Variants in SYN3 observed in about 807,000 individuals in gnomAD.
The protein encoded by SYN3 is synapsin III.
SYN3 carries 35 observed loss-of-function variants against 65.8 expected under a neutral mutation model. The ratio of observed to expected loss-of-function variants is 0.53; its 90% CI spans 0.41 to 0.70. The LOEUF (loss-of-function observed/expected upper bound fraction) is 0.70. SYN3 is among the 30% of genes least tolerant of loss of function. The pLI is 0.00. For synonymous variants in SYN3, 270 were observed against 292.9 expected (o/e 0.92, Z 0.80); for missense variants, 680 against 749.0 (o/e 0.91, Z 1.08).
intron 7 of SYN3, among the ~76,000 whole-genome samples, chr22:32,552,075 C>G (rs1012867068): frequency 6.6e-6 from 1 of 152,178 alleles, no homozygotes; most frequent in African/African-American, 2.4e-5. Flanking sequence ...GGGTGAAACC[C>G]TGCCTCTACT....
chr22:32,572,926 C>T (rs1434933969), intron 7 of SYN3, among the ~76,000 whole-genome samples: 2 of 152,140 alleles, frequency 1.3e-5, no homozygotes, highest in African/African-American at 2.4e-5. Context: ...CGAGGGGGCT[C>T]GACTCAAGAA....
At chr22:32,831,309 C>A (rs2047567097) in intron 6 of SYN3, among the ~76,000 whole-genome samples, 2 of 152,134 alleles carry the variant, frequency 1.3e-5, no homozygotes, top group Admixed American at 1.3e-4. Context: ...TGGATGGTGT[C>A]CCTGGGAATT....
At chr22:32,988,307 A>T (rs199532614) in intron 2 of SYN3, among the ~76,000 whole-genome samples, 55 of 142,604 alleles carry the variant, frequency 3.9e-4, no homozygotes, top group Middle Eastern at 3.6e-3. Context: ...CTCTGTCTCA[A>T]AATAATAATA....
chr22:32,954,237 ATG>A (rs1369976774), intron 3 of SYN3, among the ~76,000 whole-genome samples: 1 of 152,198 alleles, frequency 6.6e-6, no homozygotes, highest in African/African-American at 2.4e-5. Flanking sequence ...GCCTTTAATA[ATG>A]TCCCTAGGAC....
intron 3 of SYN3, among the ~76,000 whole-genome samples, chr22:32,951,428 G>A (rs28669954): frequency 2.0e-5 from 3 of 152,054 alleles, no homozygotes; most frequent in Non-Finnish European, 4.4e-5. Flanking sequence ...TCATCCCTAC[G>A]TGACATAAAG....
intron 7 of SYN3, among the ~76,000 whole-genome samples, chr22:32,552,933 A>G (rs1049879585): frequency 6.6e-6 from 1 of 152,198 alleles, no homozygotes; most frequent in Non-Finnish European, 1.5e-5. Flanking sequence ...TATTTCCCAC[A>G]GTTCTGGAGA....
rs886057428 is a variant in SYN3, at chr22:32,801,595, G to A, written c.711+63320C>T. On this transcript the variant is annotated intron_variant, in intron 6 of 13. Coordinates refer to ENST00000358763, the MANE Select transcript of SYN3 (RefSeq NM_003490.4). The surrounding 1 kb of genome is among the most constrained non-coding windows in gnomAD (Gnocchi z 4.7). ...GGCCCCGCCCCCTTTTTGGAGGGCC[G>A]ATGAGGTAATGCGGCTCTGCCATTG... 3.1e-4 allele frequency: 47 copies of A among 153,964 alleles called. 1 individual carries two copies. In the East Asian group the frequency reaches 5.4e-3, roughly 18 times the overall value. The allele number at this position is 153,964 out of a possible 1,614,324, so 9.5% of individuals were successfully genotyped here. A position where few individuals can be genotyped will look rare whatever the true frequency, so the allele number is the denominator to read the frequency against.
At chr22:32,618,312 A>G (rs1043488765) in intron 6 of SYN3, among the ~76,000 whole-genome samples, 1 of 152,088 alleles carries the variant, frequency 6.6e-6, no homozygotes, top group African/African-American at 2.4e-5. Flanking sequence ...CCTTAGGAAA[A>G]AGCAATTTCC....
At chr22:32,968,014 G>T (rs11089599) in intron 3 of SYN3, among the ~76,000 whole-genome samples, 31,507 of 152,180 alleles carry the variant, frequency 0.21, 3,713 homozygotes, top group Non-Finnish European at 0.27. Context: ...CAGATTGGGA[G>T]CAAGTTGACA....
chr22:32,851,608 C>G (rs1006470508), intron 6 of SYN3, among the ~76,000 whole-genome samples: 1 of 152,200 alleles, frequency 6.6e-6, no homozygotes, highest in African/African-American at 2.4e-5. Flanking sequence ...ATGTAGGATC[C>G]CTCGTCTTAC....
At chr22:32,671,870 GGTA>G (rs1291920902) in intron 6 of SYN3, among the ~76,000 whole-genome samples, 1 of 152,168 alleles carries the variant, frequency 6.6e-6, no homozygotes, top group Non-Finnish European at 1.5e-5. Flanking sequence ...CTCTCACACA[GGTA>G]CACACACACA....
In SYN3 at chr22:32,975,373, CAA is replaced by C. The variant is rs34119880; in HGVS notation, c.369+5270_369+5271del. Among the ~76,000 whole-genome samples the C allele has an allele frequency of 4.5e-3, 464 of 104,226 alleles. 3 individuals carry two copies. The highest frequency in any genetic ancestry group is 0.011 in the African/African-American group (323 of 30,476). The allele number at this position is 104,226 out of a possible 152,430, so 68.4% of individuals were successfully genotyped here. ...CCAGCGACAGAGTGAGACTCCGCCT[CAA>C]AAAAAAAAAAAAAAAGTCTCCTTAA... On this transcript the variant is annotated intron_variant, in intron 3 of 13. Coordinates refer to ENST00000358763, the MANE Select transcript of SYN3 (RefSeq NM_003490.4).
intron 1 of SYN3, among the ~76,000 whole-genome samples, chr22:33,040,220 T>C (rs2053938582): frequency 6.6e-6 from 1 of 152,064 alleles, no homozygotes; most frequent in African/African-American, 2.4e-5. Flanking sequence ...ATGGTCTCAA[T>C]CTCCTGACCC....
At chr22:33,019,139 T>C (rs571890311) in intron 1 of SYN3, among the ~76,000 whole-genome samples, 5 of 152,326 alleles carry the variant, frequency 3.3e-5, no homozygotes, top group Admixed American at 3.3e-4. Flanking sequence ...ACTTTCCACA[T>C]ATCCCTAGGA....
chr22:32,925,362 G>A lies in SYN3; in HGVS notation c.461+6028C>T, dbSNP rs1056878759. Reference sequence around the variant, plus strand: ...TGCAACAATGCTATTTCTAAGTAAGGTCACGTTCTGAGGTACTACGAGTTG... The same window carrying A: ...TGCAACAATGCTATTTCTAAGTAAGATCACGTTCTGAGGTACTACGAGTTG... On this transcript the variant is annotated intron_variant, in intron 4 of 13. Transcript: ENST00000358763. Among the ~76,000 whole-genome samples the A allele has an allele frequency of 6.6e-5, 10 of 152,248 alleles. No individual in the cohort carries two copies. The South Asian group carries it at 8.3e-4, about 13-fold the overall frequency.
intron 12 of SYN3, among the ~76,000 whole-genome samples, chr22:32,526,740 C>T (rs1464661118): frequency 6.6e-6 from 1 of 152,102 alleles, no homozygotes; most frequent in South Asian, 2.1e-4. Context: ...AGGCTGGTCT[C>T]GAACTCCTGA....
chr22:32,807,484 A>G (rs901853878), intron 6 of SYN3, among the ~76,000 whole-genome samples: 2 of 143,644 alleles, frequency 1.4e-5, no homozygotes, highest in Non-Finnish European at 3.0e-5. Flanking sequence ...TTAAACAGCT[A>G]ATAAGTATAG....
chr22:32,977,668 C>T (rs958451191), intron 3 of SYN3, among the ~76,000 whole-genome samples: 7 of 149,162 alleles, frequency 4.7e-5, no homozygotes, highest in Non-Finnish European at 8.9e-5. Context: ...TGCTTGAACC[C>T]GGGAGGCAGA....
At chr22:32,829,236 T>A (rs1167019357) in intron 6 of SYN3, among the ~76,000 whole-genome samples, 1 of 152,144 alleles carries the variant, frequency 6.6e-6, no homozygotes, top group African/African-American at 2.4e-5. Flanking sequence ...ACTGATACCC[T>A]CTTTGATCTA....
Sources: allele counts gnomAD v4.1 joint callset (sites outside exome capture counted in the v4.1 genomes callset), GRCh38; gene constraint gnomAD v4.1.1; non-coding constraint Gnocchi (gnomAD v3.1); transcripts MANE v1.5; gene names NCBI Gene and HGNC (gene_info 2026-07-23, HGNC 2026-07-21).